UTRN: variants seen among roughly 807,000 people sequenced by gnomAD.
UTRN encodes the protein dystrophin-related protein 1.
Under a neutral mutation model 463.9 loss-of-function variants are expected in UTRN, and 283 were observed. The observed-to-expected ratio is 0.61, with a 90% CI of 0.55 to 0.67. UTRN has a LOEUF of 0.67. Ranked by LOEUF, UTRN falls within the 30% of genes least tolerant of loss-of-function variation. UTRN has a pLI of 0.00. For missense variants in UTRN, 3,922 were observed against 4,084.3 expected (o/e 0.96, Z 1.08); for synonymous variants, 1,442 against 1,431.5 (o/e 1.01, Z -0.17).
At position 144,850,488 on chromosome 6, in the gene UTRN, G is replaced by C. The variant is rs7770481; in HGVS notation, c.10294-501G>C. On this transcript the variant is annotated intron_variant, in intron 74 of 74. Transcript: ENST00000367545. ...AGGTTGATACCACTTCCATGAGTGT[G>C]GCCTGGATTTATATTGTCTCTGACC... is the stretch of plus-strand genomic sequence containing the variant. Among the ~76,000 whole-genome samples the C allele has an allele frequency of 7.1e-3, 1,084 of 152,144 alleles. 19 individuals carry two copies. The highest frequency in any genetic ancestry group is 0.023 in the African/African-American group (958 of 41,492).
intron 58 of UTRN, among the ~76,000 whole-genome samples, chr6:144,764,818 TAGTAATTTTTTTTAATAAAAAGC>T (rs1793096001): frequency 6.6e-6 from 1 of 152,074 alleles, no homozygotes; most frequent in South Asian, 2.1e-4. Context: ...AGAGATAAAG[TAGTAATTTTTTTTAATAAAAAGC>T]TAAAAGCTAC....
At chr6:144,796,046 G>T (rs961436245) in intron 63 of UTRN, among the ~76,000 whole-genome samples, 1 of 152,078 alleles carries the variant, frequency 6.6e-6, no homozygotes, top group Admixed American at 6.6e-5. Context: ...ATGGTTTTAG[G>T]TCTTACATTT....
chr6:144,486,199 A>G (rs1466872217), intron 28 of UTRN, among the ~76,000 whole-genome samples: 1 of 152,236 alleles, frequency 6.6e-6, no homozygotes, highest in East Asian at 1.9e-4. Context: ...TGAGTGGACA[A>G]CTGGATTAAA....
chr6:144,399,678 A>T (rs1297769984), intron 2 of UTRN, among the ~76,000 whole-genome samples: 1 of 152,154 alleles, frequency 6.6e-6, no homozygotes, highest in Non-Finnish European at 1.5e-5. Flanking sequence ...AGAGTTTTAG[A>T]GGTGATTTGT....
intron 2 of UTRN, among the ~76,000 whole-genome samples, chr6:144,308,482 G>A (rs188191743): frequency 8.1e-4 from 123 of 152,026 alleles, no homozygotes; most frequent in African/African-American, 2.7e-3. Flanking sequence ...TTGTAGATAA[G>A]AGGTTTCACC....
intron 58 of UTRN, among the ~76,000 whole-genome samples, chr6:144,765,202 G>A (rs943856717): frequency 2.0e-5 from 3 of 152,144 alleles, no homozygotes; most frequent in East Asian, 1.9e-4. Context: ...CCCCTCGCAC[G>A]TAGACACATC....
At chr6:144,660,993 T>C (rs750074745) in intron 51 of UTRN, among the ~76,000 whole-genome samples, 19 of 152,240 alleles carry the variant, frequency 1.2e-4, no homozygotes, top group Non-Finnish European at 1.5e-5. Context: ...TATGCGCTCC[T>C]GCCCTCTTTA....
chr6:144,703,694 T>G (rs887102287), intron 53 of UTRN, among the ~76,000 whole-genome samples: 1 of 152,084 alleles, frequency 6.6e-6, no homozygotes, highest in African/African-American at 2.4e-5. Flanking sequence ...GGACAGAAAA[T>G]TAATCATCTC....
chr6:144,725,588 C>G (rs886069461), intron 53 of UTRN, among the ~76,000 whole-genome samples: 5 of 152,148 alleles, frequency 3.3e-5, no homozygotes, highest in Non-Finnish European at 7.4e-5. Context: ...GAACTTAAAG[C>G]TGAATGCCAC....
At chr6:144,719,459 C>T (rs866969950) in intron 53 of UTRN, among the ~76,000 whole-genome samples, 35 of 152,220 alleles carry the variant, frequency 2.3e-4, no homozygotes, top group Admixed American at 2.0e-4. Context: ...TGCCTGTAAT[C>T]CCAGCTACTC....
At chr6:144,627,416 A>G (rs1776059727) in intron 51 of UTRN, among the ~76,000 whole-genome samples, 1 of 152,180 alleles carries the variant, frequency 6.6e-6, no homozygotes, top group Non-Finnish European at 1.5e-5. Context: ...TCATTGCTCT[A>G]TTTTGTAACT....
At position 144,490,085 on chromosome 6, in the gene UTRN, G is replaced by T; in HGVS notation, c.4149G>T (p.Glu1383Asp). 1 of 1,610,878 alleles carries T rather than the reference G, an allele frequency of 6.2e-7. No individual in the cohort carries two copies. The highest frequency in any genetic ancestry group is 8.5e-7 in the Non-Finnish European group (1 of 1,179,030). Reference sequence around the variant, plus strand: ...TCTCTTTTTAGAAAATCCAAGCAGAGATCTCAGCCCATGAGCTAACCCTAG... The same window carrying T: ...TCTCTTTTTAGAAAATCCAAGCAGATATCTCAGCCCATGAGCTAACCCTAG... ...VPQEAQKIQA[E>D]ISAHELTLEE... The change falls in exon 31 of 75, where the codon GAG becomes GAT. Residue 1383 changes from glutamate (E) to aspartate (D), a missense_variant. By Grantham distance (45) the Glu-to-Asp change is conservative (BLOSUM62 2). Coordinates refer to ENST00000367545, the MANE Select transcript of UTRN (RefSeq NM_007124.3).
rs139842617 is a variant in UTRN, at chr6:144,700,772, C to T, written c.7809+529C>T. Among the ~76,000 whole-genome samples, 204 of 149,812 alleles carry T rather than the reference C, an allele frequency of 1.4e-3. 2 individuals are homozygous for T. Among genetic ancestry groups the T allele is most frequent in the Admixed American group, 4.1e-3 (61 of 14,976 alleles). ...TTTTTAAGATGGAGTCTTGCTCTGT[C>T]ACCCAGGTTGGAGTGCAGTGGCATG... On this transcript the variant is annotated intron_variant, in intron 53 of 74. Coordinates refer to ENST00000367545, the MANE Select transcript of UTRN (RefSeq NM_007124.3).
intron 2 of UTRN, among the ~76,000 whole-genome samples, chr6:144,313,889 T>C (rs1248400440): frequency 6.6e-6 from 1 of 152,166 alleles, no homozygotes; most frequent in Non-Finnish European, 1.5e-5. Context: ...GTTACATTGA[T>C]TCAGTTCTTA....
intron 2 of UTRN, among the ~76,000 whole-genome samples, chr6:144,310,535 C>CG (rs1806156138): frequency 1.1e-5 from 1 of 92,052 alleles, no homozygotes; most frequent in South Asian, 3.4e-4. Context: ...AACTCCGTCT[C>CG]AAAAAAAAAA....
chr6:144,344,315 C>T (rs1182313166), intron 2 of UTRN: 1 of 1,304,042 alleles, frequency 7.7e-7, no homozygotes, highest in South Asian at 1.2e-5. Flanking sequence ...GTAAGTTTGT[C>T]AACTTGCACG....
At chr6:144,386,570 A>G (rs1781439395) in intron 2 of UTRN, among the ~76,000 whole-genome samples, 1 of 151,900 alleles carries the variant, frequency 6.6e-6, no homozygotes, top group Non-Finnish European at 1.5e-5. Context: ...CAATTATTTT[A>G]TTTATTAACT....
At position 144,824,597 on chromosome 6, in the gene UTRN, TATATATATATATA is replaced by T. The variant is rs1562954917; in HGVS notation, c.9495-2750_9495-2738del. 7.0e-4 allele frequency among the ~76,000 whole-genome samples: 43 copies of T among 61,488 alleles called. 1 individual carries two copies. The highest frequency in any genetic ancestry group is 6.1e-3 in the East Asian group (8 of 1,322). The allele number at this position is 61,488 out of a possible 152,430, so 40.3% of individuals were successfully genotyped here. ...TTATATATATATATATATATATATA[TATATATATATATA>T]TATCTTTTTTTTTTTTTTTTTTTTT... On this transcript the variant is annotated intron_variant, in intron 66 of 74. Transcript: ENST00000367545.
intron 52 of UTRN, among the ~76,000 whole-genome samples, chr6:144,693,092 G>C (rs537127496): frequency 1.3e-5 from 2 of 151,966 alleles, no homozygotes; most frequent in African/African-American, 2.4e-5. Context: ...AAGAGGTCCA[G>C]TTTCAATGTT....
Sources: gnomAD v4.1 joint callset for allele counts (sites outside exome capture counted in the v4.1 genomes callset) on GRCh38, gnomAD v4.1.1 for gene constraint, MANE v1.5 for transcripts, NCBI Gene and HGNC (gene_info 2026-07-23, HGNC 2026-07-21) for gene names.